The following NRG1 variants were observed in gnomAD, a reference collection of about 807,000 sequenced individuals.
NRG1 encodes neuregulin 1.
A neutral mutation model predicts 63.8 loss-of-function variants in NRG1; 18 were observed. The observed-to-expected ratio is 0.28, with a 90% CI of 0.19 to 0.42. The LOEUF (loss-of-function observed/expected upper bound fraction) is 0.42, where lower values mean the gene tolerates loss of function less well. Among genes scored for constraint, NRG1 ranks in the 10% least tolerant of loss-of-function variants. The probability of loss-of-function intolerance (pLI) is 1.00; values close to 1 mark genes in which losing one functional copy is unlikely to be tolerated. For synonymous variants in NRG1, 302 were observed against 301.3 expected (o/e 1.00, Z -0.02); for missense variants, 762 against 814.7 (o/e 0.94, Z 0.79).
intron 5 of NRG1, among the ~76,000 whole-genome samples, chr8:32,637,452 GC>G (rs1307961400): frequency 2.0e-5 from 3 of 152,118 alleles, no homozygotes; most frequent in Non-Finnish European, 4.4e-5. Context: ...GACAGTAGCA[GC>G]CTTCTTGTTC....
At chr8:32,412,089 A>G (rs1292800142) in intron 1 of NRG1, among the ~76,000 whole-genome samples, 6 of 152,090 alleles carry the variant, frequency 3.9e-5, no homozygotes, top group Admixed American at 1.3e-4. Flanking sequence ...ACCTCATCCA[A>G]TCAAGACCGG....
At chr8:32,041,752 A>T (rs1484699855) in intron 1 of NRG1, among the ~76,000 whole-genome samples, 1 of 152,186 alleles carries the variant, frequency 6.6e-6, no homozygotes, top group Non-Finnish European at 1.5e-5. Context: ...GAAGGAATAG[A>T]CCTACCATTT....
intron 1 of NRG1, among the ~76,000 whole-genome samples, chr8:32,136,269 A>G (rs764567491): frequency 6.6e-6 from 1 of 152,184 alleles, no homozygotes; most frequent in Non-Finnish European, 1.5e-5. Flanking sequence ...TTCCTCTCCT[A>G]TAATACAAAC....
At chr8:31,916,781 C>G (rs1338220913) in intron 1 of NRG1, among the ~76,000 whole-genome samples, 2 of 151,990 alleles carry the variant, frequency 1.3e-5, no homozygotes, top group Non-Finnish European at 2.9e-5. Context: ...AATCGCCACA[C>G]TGACTTCCAC....
chr8:31,708,060 C>G (rs575714180), intron 1 of NRG1, among the ~76,000 whole-genome samples: 46 of 152,014 alleles, frequency 3.0e-4, no homozygotes, highest in Non-Finnish European at 6.6e-4. Flanking sequence ...TATTTTATTA[C>G]GTTAATGAAG....
At chr8:31,783,672 AC>A (rs1399711846) in intron 1 of NRG1, among the ~76,000 whole-genome samples, 1 of 151,832 alleles carries the variant, frequency 6.6e-6, no homozygotes, top group Non-Finnish European at 1.5e-5. Context: ...CAGGAAACTT[AC>A]CCCCAGGTGG....
At chr8:32,386,408 AG>A (rs1181476009) in intron 1 of NRG1, among the ~76,000 whole-genome samples, 2 of 152,228 alleles carry the variant, frequency 1.3e-5, no homozygotes, top group Non-Finnish European at 2.9e-5. Flanking sequence ...TTGCAAAATA[AG>A]GAAATTTGAC....
intron 5 of NRG1, among the ~76,000 whole-genome samples, chr8:32,680,618 T>G (rs1457398183): frequency 6.6e-6 from 1 of 152,152 alleles, no homozygotes; most frequent in African/African-American, 2.4e-5. Context: ...GGACTGGACT[T>G]TTTTAAGACT....
At chr8:32,165,140 A>ATT (rs112228510) in intron 1 of NRG1, among the ~76,000 whole-genome samples, 2 of 141,870 alleles carry the variant, frequency 1.4e-5, no homozygotes, top group Non-Finnish European at 3.1e-5. Context: ...TATTGCCCTT[A>ATT]TTTTTTTTTT....
chr8:32,631,005 T>A (rs1056956541), intron 5 of NRG1, among the ~76,000 whole-genome samples: 1 of 152,102 alleles, frequency 6.6e-6, no homozygotes, highest in African/African-American at 2.4e-5. Flanking sequence ...AAATACTGAT[T>A]TTTCCTGGAT....
chr8:31,662,173 T>A (rs1363185914), intron 1 of NRG1, among the ~76,000 whole-genome samples: 1 of 152,322 alleles, frequency 6.6e-6, no homozygotes, highest in South Asian at 2.1e-4. Context: ...GTGCAATTAG[T>A]GGACAGAGAC....
intron 1 of NRG1, among the ~76,000 whole-genome samples, chr8:31,879,537 G>T (rs747187055): frequency 6.6e-6 from 1 of 152,146 alleles, no homozygotes; most frequent in Non-Finnish European, 1.5e-5. Context: ...TCTGGAAGAG[G>T]TAGAGAGCAT....
intron 1 of NRG1, among the ~76,000 whole-genome samples, chr8:32,216,588 A>C (rs1845252999): frequency 6.7e-6 from 1 of 149,942 alleles, no homozygotes; most frequent in South Asian, 2.1e-4. Context: ...TTCCAAACCA[A>C]CTTTAGGTTA....
chr8:31,906,868 A>C (rs2129616468), intron 1 of NRG1, among the ~76,000 whole-genome samples: 1 of 152,308 alleles, frequency 6.6e-6, no homozygotes, highest in South Asian at 2.1e-4. Context: ...CAAAGTCTAG[A>C]GGAAATAAAA....
At chr8:31,749,880 A>AT (rs35026233) in intron 1 of NRG1, among the ~76,000 whole-genome samples, 35,347 of 151,408 alleles carry the variant, frequency 0.23, 4,314 homozygotes, top group Admixed American at 0.27. Context: ...TATTTTTTTT[A>AT]TTTTTGGAAG....
At chr8:32,032,023 A>G (rs1362362270) in intron 1 of NRG1, among the ~76,000 whole-genome samples, 2 of 151,772 alleles carry the variant, frequency 1.3e-5, no homozygotes, top group African/African-American at 4.8e-5. Flanking sequence ...TTTAGATATC[A>G]CAACACCATC....
chr8:32,767,450 T>C (rs1831516310), exon 12 of NRG1: 1 of 152,316 alleles, frequency 6.6e-6, no homozygotes, highest in African/African-American at 2.4e-5. Flanking sequence ...TATGAAACAC[T>C]GAAGAGAAAT....
intron 1 of NRG1, among the ~76,000 whole-genome samples, chr8:31,987,310 A>AC (rs970675619): frequency 1.6e-5 from 2 of 124,526 alleles, no homozygotes; most frequent in African/African-American, 3.5e-5. Context: ...AAAAAAAAAA[A>AC]AACATATATA....
intron 1 of NRG1, among the ~76,000 whole-genome samples, chr8:31,674,381 A>G (rs1807464973): frequency 6.6e-6 from 1 of 152,154 alleles, no homozygotes. Flanking sequence ...CTTTCTCTAC[A>G]TCCTTGCCAA....
Sources: allele counts gnomAD v4.1 joint callset (sites outside exome capture counted in the v4.1 genomes callset), GRCh38; gene constraint gnomAD v4.1.1; transcripts MANE v1.5; gene names NCBI Gene and HGNC (gene_info 2026-07-23, HGNC 2026-07-21).